Variants in DGKB observed in about 807,000 individuals in gnomAD.
DGKB encodes diacylglycerol kinase beta.
A neutral mutation model predicts 114.3 loss-of-function variants in DGKB; 67 were observed. The observed-to-expected ratio is 0.59, with a 90% CI of 0.48 to 0.72. The LOEUF (loss-of-function observed/expected upper bound fraction) is 0.72. Ranked by LOEUF, DGKB falls within the 30% of genes least tolerant of loss-of-function variation. DGKB has a pLI of 0.00. For missense variants in DGKB, 907 were observed against 975.2 expected, an observed-to-expected ratio of 0.93 and a Z score of 0.93; for synonymous variants, 398 against 323.1, an observed-to-expected ratio of 1.23 and a Z score of -2.49.
chr7:14,238,731 T>A (rs1042523020), intron 23 of DGKB, among the ~76,000 whole-genome samples: 2 of 151,962 alleles, frequency 1.3e-5, no homozygotes, highest in East Asian at 3.9e-4. Context: ...CTATGTGGGA[T>A]GTCTGGGTGG....
At chr7:14,213,775 T>G (rs1788519793) in intron 23 of DGKB, among the ~76,000 whole-genome samples, 1 of 152,150 alleles carries the variant, frequency 6.6e-6, no homozygotes, top group Non-Finnish European at 1.5e-5. Context: ...CCACCAGCTT[T>G]CACAGAACTG....
At chr7:14,682,121 T>G (rs1410318856) in intron 12 of DGKB, among the ~76,000 whole-genome samples, 2 of 152,106 alleles carry the variant, frequency 1.3e-5, no homozygotes, top group Non-Finnish European at 2.9e-5. Context: ...TTTCTAACCC[T>G]TTTAAGCCCA....
chr7:14,452,241 G>A (rs1170862757), intron 21 of DGKB, among the ~76,000 whole-genome samples: 1 of 151,914 alleles, frequency 6.6e-6, no homozygotes, highest in African/African-American at 2.4e-5. Context: ...AAATCAGTAA[G>A]CATATGTTAT....
chr7:14,916,059 G>C (rs1344360235), intron 1 of DGKB, among the ~76,000 whole-genome samples: 1 of 151,976 alleles, frequency 6.6e-6, no homozygotes, highest in African/African-American at 2.4e-5. Context: ...TGGAATAAAA[G>C]CGAAAAAGAA....
chr7:14,893,860 C>G (rs1489836543), intron 1 of DGKB, among the ~76,000 whole-genome samples: 3 of 151,354 alleles, frequency 2.0e-5, no homozygotes, highest in South Asian at 4.2e-4. Context: ...TCTACAACTG[C>G]ACATAGCCCA....
intron 2 of DGKB, among the ~76,000 whole-genome samples, chr7:14,802,605 C>T (rs7784763): frequency 0.33 from 50,736 of 151,954 alleles, 10,914 homozygotes; most frequent in African/African-American, 0.61. Flanking sequence ...ATGAAATTAT[C>T]ATCCTATTAG....
chr7:14,804,070 G>GGAGTGTGTGT (rs1554282561), intron 2 of DGKB, among the ~76,000 whole-genome samples: 1 of 146,508 alleles, frequency 6.8e-6, no homozygotes, highest in Non-Finnish European at 1.5e-5. Flanking sequence ...TCACTTTTTG[G>GGAGTGTGTGT]GTGTGTGTGT....
intron 23 of DGKB, among the ~76,000 whole-genome samples, chr7:14,256,839 G>GT (rs35845270): frequency 0.32 from 48,159 of 152,016 alleles, 8,632 homozygotes; most frequent in Non-Finnish European, 0.4. Flanking sequence ...CTTCTCCTTG[G>GT]TTTTTCTATA....
chr7:14,280,952 C>A (rs1352673349), intron 23 of DGKB, among the ~76,000 whole-genome samples: 9 of 151,630 alleles, frequency 5.9e-5, no homozygotes, highest in Non-Finnish European at 1.0e-4. Flanking sequence ...ACTGCATCAA[C>A]TAACGAGCAA....
intron 2 of DGKB, among the ~76,000 whole-genome samples, chr7:14,828,426 C>G (rs1329186657): frequency 2.0e-5 from 3 of 152,018 alleles, no homozygotes. Context: ...TTATTGAAAG[C>G]TGACATATTG....
At chr7:14,462,692 A>G (rs971316673) in intron 21 of DGKB, among the ~76,000 whole-genome samples, 5 of 152,316 alleles carry the variant, frequency 3.3e-5, no homozygotes, top group African/African-American at 4.8e-5. Flanking sequence ...ATTCAATGCT[A>G]TCCCCATCAA....
chr7:14,443,035 T>C (rs760310209), intron 21 of DGKB, among the ~76,000 whole-genome samples: 7 of 152,188 alleles, frequency 4.6e-5, no homozygotes, highest in Non-Finnish European at 1.0e-4. Context: ...AAATCCAAAC[T>C]GCCAATCTTG....
At chr7:14,190,500 ATAAAC>A (rs1390512393) in intron 23 of DGKB, among the ~76,000 whole-genome samples, 2 of 152,182 alleles carry the variant, frequency 1.3e-5, no homozygotes, top group African/African-American at 4.8e-5. Context: ...TAATTTAATA[ATAAAC>A]TAAAGCCAAA....
intron 20 of DGKB, among the ~76,000 whole-genome samples, chr7:14,524,931 A>G (rs1790406246): frequency 6.6e-6 from 1 of 152,020 alleles, no homozygotes; most frequent in African/African-American, 2.4e-5. Context: ...AAATATTTGT[A>G]GGAAAAATGG....
chr7:14,361,445 A>AT, intron 21 of DGKB, among the ~76,000 whole-genome samples: 1 of 152,076 alleles, frequency 6.6e-6, no homozygotes, highest in East Asian at 1.9e-4. Flanking sequence ...TTTAGATTGC[A>AT]TTTTTGTCAT....
At chr7:14,433,087 C>T (rs1828707505) in intron 21 of DGKB, among the ~76,000 whole-genome samples, 1 of 152,132 alleles carries the variant, frequency 6.6e-6, no homozygotes, top group South Asian at 2.1e-4. Flanking sequence ...CAACAGACAA[C>T]AGCTGGGCAA....
chr7:14,158,587 C>T (rs963150535), intron 25 of DGKB, among the ~76,000 whole-genome samples: 10 of 152,106 alleles, frequency 6.6e-5, no homozygotes, highest in African/African-American at 1.9e-4. Context: ...TTCTCCTCAA[C>T]GTTAAACTAC....
chr7:14,389,429 G>A (rs960470595), intron 21 of DGKB, among the ~76,000 whole-genome samples: 1 of 152,190 alleles, frequency 6.6e-6, no homozygotes, highest in Non-Finnish European at 1.5e-5. Context: ...AGTAGCTGAA[G>A]GGATGAGATT....
chr7:14,929,762 A>G lies in DGKB; in HGVS notation c.-188+44934T>C, dbSNP rs181449506. 2.7e-3 allele frequency among the ~76,000 whole-genome samples: 414 copies of G among 152,080 alleles called. 1 individual carries two copies. The highest frequency in any genetic ancestry group is 9.6e-3 in the African/African-American group (399 of 41,528). On this transcript the variant is annotated intron_variant, in intron 1 of 4. Transcript: ENST00000437998. ...TTATCTATTTTTGTTGTTGTTGCCTATAATTTTGAGGTCTTAGTTATGAAT... is the reference window on the plus strand; with the variant it reads ...TTATCTATTTTTGTTGTTGTTGCCTGTAATTTTGAGGTCTTAGTTATGAAT...
Sources: gnomAD v4.1 joint callset for allele counts (sites outside exome capture counted in the v4.1 genomes callset) on GRCh38, gnomAD v4.1.1 for gene constraint, MANE v1.5 for transcripts, NCBI Gene and HGNC (gene_info 2026-07-23, HGNC 2026-07-21) for gene names.